Variants in TSNARE1 observed in about 807,000 individuals in gnomAD.
TSNARE1 encodes the protein t-SNARE domain containing 1.
In TSNARE1, 49 loss-of-function variants were observed where a neutral mutation model predicts 62.0. That is an observed-to-expected ratio of 0.79 (90% CI 0.63 to 1.00). The LOEUF is 1.00. TSNARE1 is among the 50% of genes least tolerant of loss of function. The pLI is 0.00. For missense variants in TSNARE1, 755 were observed against 700.1 expected, an observed-to-expected ratio of 1.08 and a Z score of -0.88; for synonymous variants, 328 against 294.4, an observed-to-expected ratio of 1.11 and a Z score of -1.17.
At chr8:142,256,196 CCACCACCACTGTCACCAT>C (rs1818529776) in intron 12 of TSNARE1, among the ~76,000 whole-genome samples, 1 of 119,696 alleles carries the variant, frequency 8.4e-6, no homozygotes, top group African/African-American at 3.2e-5. Flanking sequence ...ACCATCATCA[CCACCACCACTGTCACCAT>C]CACCATCACT....
At chr8:142,320,654 A>G (rs1301326476) in intron 6 of TSNARE1, among the ~76,000 whole-genome samples, 2 of 152,132 alleles carry the variant, frequency 1.3e-5, no homozygotes, top group Admixed American at 6.5e-5. Flanking sequence ...CTGCCTTAAC[A>G]CTTTCCTAGG....
chr8:142,277,014 G>A (rs1820607744), intron 11 of TSNARE1: 1 of 985,364 alleles, frequency 1.0e-6, no homozygotes, highest in South Asian at 4.7e-5. Context: ...GCGGCCGCGT[G>A]TTGCTCGTGG....
In TSNARE1 at chr8:142,291,806, AG is replaced by A. The variant is rs1291336558; in HGVS notation, c.1291-7322del. 6.6e-6 allele frequency among the ~76,000 whole-genome samples: 1 copy of A among 152,084 alleles called. No individual in the cohort carries two copies. Among genetic ancestry groups the A allele is most frequent in the African/African-American group, 2.4e-5 (1 of 41,430 alleles). Reference sequence around the variant, plus strand: ...AGCCAGCGGCTCAGGCGTCAGGCATAGGGTGCTCTGGGCCTCGGGCAATAGG... The same window carrying A: ...AGCCAGCGGCTCAGGCGTCAGGCATAGGTGCTCTGGGCCTCGGGCAATAGG... On this transcript the variant is annotated intron_variant, in intron 10 of 13. Coordinates refer to ENST00000524325, the MANE Select transcript of TSNARE1 (RefSeq NM_145003.5). This position sits in a 1 kb window ranked among gnomAD's most constrained non-coding sequence, Gnocchi z 4.8.
At chr8:142,268,558 G>A (rs1819260093) in intron 12 of TSNARE1, among the ~76,000 whole-genome samples, 1 of 152,218 alleles carries the variant, frequency 6.6e-6, no homozygotes. Context: ...TTGGCAGATT[G>A]CACGCTGCCT....
At chr8:142,237,453 C>A (rs1817488410) in intron 12 of TSNARE1, among the ~76,000 whole-genome samples, 1 of 152,224 alleles carries the variant, frequency 6.6e-6, no homozygotes, top group Admixed American at 6.5e-5. Flanking sequence ...CCTCTCCACC[C>A]AAAGGGCCTG....
At chr8:142,215,610 C>G (rs1327493711) in intron 13 of TSNARE1, among the ~76,000 whole-genome samples, 1 of 152,136 alleles carries the variant, frequency 6.6e-6, no homozygotes, top group African/African-American at 2.4e-5. Context: ...TCCCCCGTGA[C>G]CTACCAGGGA....
At chr8:142,272,266 C>T (rs1463740519) in intron 12 of TSNARE1, among the ~76,000 whole-genome samples, 1 of 151,728 alleles carries the variant, frequency 6.6e-6, no homozygotes, top group African/African-American at 2.4e-5. Context: ...CCGTCTACAC[C>T]TTCCTCCTTC....
chr8:142,271,412 A>C (rs1309320808), intron 12 of TSNARE1: 3 of 1,240,900 alleles, frequency 2.4e-6, no homozygotes, highest in Middle Eastern at 3.1e-4. Flanking sequence ...GTGGGAGTCC[A>C]GCAGCTGCTG....
At position 142,331,776 on chromosome 8, in the gene TSNARE1, G is replaced by A. The variant is rs374507590; in HGVS notation, c.801C>T (p.Asn267=). The change falls in exon 5 of 14, where the codon AAC becomes AAT. Residue 267 remains asparagine, a synonymous_variant. Transcript: ENST00000524325. ...CACCACTGGAGTTGATTCGGAAGAC[G>A]TTGGCCGACATCTCCTGGAACAGCT... The part of the protein sequence containing the change: ...LQELFQEMSA[N]VFRINSSVTS... The A allele has an allele frequency of 2.0e-4, 316 of 1,604,754 alleles. No individual in the cohort carries two copies. The highest frequency in any genetic ancestry group is 2.5e-4 in the Non-Finnish European group (298 of 1,175,858).
intron 12 of TSNARE1, chr8:142,270,547 A>G (rs1282845691): frequency 1.0e-6 from 1 of 984,854 alleles, no homozygotes; most frequent in East Asian, 1.1e-4. Flanking sequence ...TATTCCAGGC[A>G]TATGGGATGT....
At chr8:142,270,022 C>T in intron 12 of TSNARE1, 3 of 985,450 alleles carry the variant, frequency 3.0e-6, no homozygotes, top group African/African-American at 1.7e-5. Context: ...ACCAGCATGC[C>T]TCCCACTCAA....
chr8:142,225,453 T>C (rs758971886), intron 13 of TSNARE1, among the ~76,000 whole-genome samples: 38 of 145,526 alleles, frequency 2.6e-4, no homozygotes, highest in Middle Eastern at 3.5e-3. Flanking sequence ...CCCTGCCAGG[T>C]GCTCACATGC....
chr8:142,242,504 C>T (rs1166446689), intron 12 of TSNARE1, among the ~76,000 whole-genome samples: 1 of 152,188 alleles, frequency 6.6e-6, no homozygotes, highest in Non-Finnish European at 1.5e-5. Context: ...GAAATATGTC[C>T]AAACCATACA....
intron 1 of TSNARE1, among the ~76,000 whole-genome samples, chr8:142,396,586 A>C (rs931090548): frequency 2.6e-5 from 4 of 152,328 alleles, no homozygotes; most frequent in Admixed American, 2.6e-4. Flanking sequence ...TTTGTTTGTA[A>C]AGCTGCTTCC....
intron 4 of TSNARE1, among the ~76,000 whole-genome samples, chr8:142,335,762 G>A (rs1022904908): frequency 7.9e-5 from 12 of 152,144 alleles, no homozygotes; most frequent in African/African-American, 2.2e-4. Context: ...AACCCCTTGC[G>A]GCAATTTAAA....
At chr8:142,234,498 C>T (rs1300734988) in intron 12 of TSNARE1, among the ~76,000 whole-genome samples, 2 of 152,064 alleles carry the variant, frequency 1.3e-5, no homozygotes, top group Non-Finnish European at 2.9e-5. Context: ...CAAGATAGCT[C>T]CATGACCCCA....
chr8:142,270,942 C>T (rs1004638819), intron 12 of TSNARE1: 110 of 985,434 alleles, frequency 1.1e-4, no homozygotes, highest in Non-Finnish European at 1.3e-4. Context: ...CCCACATCCT[C>T]TCATCCTTCC....
Position 142,345,859 on chromosome 8 carries a change from C to A in TSNARE1, c.122G>T (p.Arg41Leu). Reference protein sequence around the residue: ...CARCWTEYGIRHFPCPSPESK... With the variant: ...CARCWTEYGILHFPCPSPESK... ...CTCTGGCGACGGGCAGGGGAAATGG[C>A]GGATTCCATACTCGGTCCAACATCT... The change falls in exon 3 of 14, where the codon CGC becomes CTC. Residue 41 changes from arginine (R) to leucine (L), a missense_variant. Arg to Leu is a moderately radical substitution (Grantham distance 102). Transcript: ENST00000524325. 3 of 1,613,874 alleles carry A rather than the reference C, an allele frequency of 1.9e-6. No homozygotes were observed. Among genetic ancestry groups the A allele is most frequent in the Non-Finnish European group, 2.5e-6 (3 of 1,179,906 alleles).
intron 6 of TSNARE1, among the ~76,000 whole-genome samples, chr8:142,320,448 G>A (rs553345612): frequency 1.4e-5 from 2 of 142,426 alleles, no homozygotes; most frequent in African/African-American, 5.4e-5. Flanking sequence ...TCCCCACACT[G>A]CCCTCCTGCA....
Sources: allele counts gnomAD v4.1 joint callset (sites outside exome capture counted in the v4.1 genomes callset), GRCh38; gene constraint gnomAD v4.1.1; non-coding constraint Gnocchi (gnomAD v3.1); transcripts MANE v1.5; gene names NCBI Gene and HGNC (gene_info 2026-07-23, HGNC 2026-07-21).